The following SLC6A16 variants were observed in gnomAD, a reference collection of about 807,000 sequenced individuals.
The protein encoded by SLC6A16 is orphan sodium- and chloride-dependent neurotransmitter transporter NTT5.
Under a neutral mutation model 65.4 loss-of-function variants are expected in SLC6A16, and 54 were observed. The observed-to-expected ratio is 0.83, with a 90% CI of 0.66 to 1.04. SLC6A16 has a LOEUF of 1.04. Ranked by LOEUF, SLC6A16 falls within the 50% of genes least tolerant of loss-of-function variation. The pLI is 0.00. For synonymous variants in SLC6A16, 330 were observed against 346.5 expected, an observed-to-expected ratio of 0.95 and a Z score of 0.53; for missense variants, 816 against 914.0, an observed-to-expected ratio of 0.89 and a Z score of 1.38.
chr19:49,338,043 C>T, the SLC6A16 span: 1 of 1,612,322 alleles, frequency 6.2e-7, no homozygotes, highest in Non-Finnish European at 8.5e-7. This position sits in a 1 kb window ranked among gnomAD's most constrained non-coding sequence, Gnocchi z 5.0. Context: ...AGCCCCCCTC[C>T]TCCAGTTCCC....
the SLC6A16 span, chr19:49,339,679 G>GT: frequency 1.3e-5 from 18 of 1,422,346 alleles, no homozygotes; most frequent in South Asian, 2.6e-4. This position sits in a 1 kb window ranked among gnomAD's most constrained non-coding sequence, Gnocchi z 4.5. Context: ...GGTGCTGAGC[G>GT]TACAGCTACA....
In SLC6A16 at chr19:49,304,556, G is replaced by A. The variant is rs184539112; in HGVS notation, c.1229+4320C>T. On this transcript the variant is annotated intron_variant, in intron 7 of 11. Transcript: ENST00000335875. ...TGAGGTGGGCGGATCACCTGAGGTC[G>A]AAAGTTCGAGACCAGCCTGACCAAC... is the stretch of plus-strand genomic sequence containing the variant. 2.4e-3 allele frequency among the ~76,000 whole-genome samples: 363 copies of A among 152,140 alleles called. 2 individuals carry two copies. The highest frequency in any genetic ancestry group is 0.024 in the Middle Eastern group (7 of 294).
At position 49,293,044 on chromosome 19, in the gene SLC6A16, C is replaced by T. The variant is rs1023636003; in HGVS notation, c.1778+179G>A. On this transcript the variant is annotated intron_variant, in intron 10 of 11. Transcript: ENST00000335875. ...CTGATGACTAAAATAGTGCCTGGCA[C>T]ATATTCAGCACCCAAAATATATGTG... The T allele has an allele frequency of 5.3e-5, 30 of 567,810 alleles. No homozygotes were observed. The East Asian group carries it at 5.4e-4, about 10-fold the overall frequency. The allele number at this position is 567,810 out of a possible 1,614,324, so 35.2% of individuals were successfully genotyped here.
At chr19:49,316,317 T>C (rs1030182440) in intron 1 of SLC6A16, among the ~76,000 whole-genome samples, 2 of 151,840 alleles carry the variant, frequency 1.3e-5, no homozygotes, top group Non-Finnish European at 2.9e-5. Flanking sequence ...TGGATAATAT[T>C]TACAATATCA....
In SLC6A16 at chr19:49,310,323, G is replaced by A. The variant is rs770807034; in HGVS notation, c.573+30C>T. The A allele has an allele frequency of 3.7e-6, 6 of 1,612,500 alleles. No homozygotes were observed. In the Admixed American group the frequency reaches 8.4e-5, roughly 22 times the overall value. ...GTTGGGATGGCGGTGGGGTGTAAAA[G>A]TCAGGCCTGGGCAGCCATGGGCTCC... On this transcript the variant is annotated intron_variant, in intron 3 of 11. Transcript: ENST00000335875.
intron 7 of SLC6A16, among the ~76,000 whole-genome samples, chr19:49,304,017 G>C: frequency 6.6e-6 from 1 of 152,186 alleles, no homozygotes; most frequent in East Asian, 1.9e-4. Context: ...ACAAGAGTTT[G>C]ACACTGACTC....
chr19:49,332,449 C>T, the SLC6A16 span: 3 of 367,410 alleles, frequency 8.2e-6, no homozygotes, highest in Non-Finnish European at 1.1e-5. Flanking sequence ...ATCACATTTA[C>T]TCGGGAGGCT....
chr19:49,290,328 A>G lies in SLC6A16; in HGVS notation c.2006T>C (p.Ile669Thr), dbSNP rs370218485. The change falls in exon 12 of 12, where the codon ATT (isoleucine) becomes ACT (threonine). Residue 669 changes from isoleucine (I) to threonine (T), a missense_variant. Physicochemically the swap from Ile to Thr is moderately conservative, Grantham distance 89 (BLOSUM62 -1). Coordinates refer to ENST00000335875, the MANE Select transcript of SLC6A16 (RefSeq NM_014037.3). The stretch of plus-strand genomic sequence containing the variant: ...GTATGCAGGGATGGGGAGGATGACA[A>G]TGGCAAAAAGGGTGATCATCAAGAG... Reference protein sequence around the residue: ...ALLLMITLFAIVILPIPAYFV... With the variant: ...ALLLMITLFATVILPIPAYFV... The G allele has an allele frequency of 4.3e-6, 7 of 1,613,984 alleles. No individual in the cohort carries two copies. Among genetic ancestry groups the G allele is most frequent in the Admixed American group, 1.7e-5 (1 of 59,978 alleles).
At chr19:49,337,945 C>T in the SLC6A16 span, 2 of 1,614,026 alleles carry the variant, frequency 1.2e-6, no homozygotes, top group Non-Finnish European at 1.7e-6. Context: ...GCTTGCGGGA[C>T]GTCGTAGAGA....
the SLC6A16 span, chr19:49,337,719 G>A: frequency 8.5e-6 from 13 of 1,534,418 alleles, no homozygotes; most frequent in Admixed American, 2.0e-5. Context: ...AGAAATAGAC[G>A]CCCTGAAAGA....
At chr19:49,337,836 G>A in the SLC6A16 span, 1 of 1,588,586 alleles carries the variant, frequency 6.3e-7, no homozygotes, top group African/African-American at 1.3e-5. Context: ...GCCCAGAGAT[G>A]CACAGGGCCC....
intron 7 of SLC6A16, among the ~76,000 whole-genome samples, chr19:49,307,505 G>C (rs910000309): frequency 3.9e-5 from 6 of 151,936 alleles, no homozygotes; most frequent in African/African-American, 1.5e-4. Context: ...GCATCTTCTA[G>C]AAGAAAATGG....
At chr19:49,315,003 A>G (rs1970591285) in intron 1 of SLC6A16, among the ~76,000 whole-genome samples, 1 of 151,838 alleles carries the variant, frequency 6.6e-6, no homozygotes, top group African/African-American at 2.4e-5. Context: ...ATGAACACCA[A>G]TCTCCAAACT....
chr19:49,308,785 A>C (rs1348013889), intron 7 of SLC6A16, 91 bp downstream of exon 7: 1 of 1,522,958 alleles, frequency 6.6e-7, no homozygotes, highest in African/African-American at 1.4e-5. Flanking sequence ...GAAATGTGTG[A>C]ACATGGGTCT....
At chr19:49,295,565 G>C (rs541868574) in intron 7 of SLC6A16, among the ~76,000 whole-genome samples, 153 of 152,218 alleles carry the variant, frequency 1.0e-3, no homozygotes, top group African/African-American at 3.3e-3. Flanking sequence ...AATTTAAAAG[G>C]CTGGAAGATA....
the SLC6A16 span, chr19:49,338,309 AC>A: frequency 1.3e-6 from 1 of 792,368 alleles, no homozygotes; most frequent in Non-Finnish European, 1.8e-6. This position sits in a 1 kb window ranked among gnomAD's most constrained non-coding sequence, Gnocchi z 5.0. Context: ...TAGTCCCAAG[AC>A]CCTAGCGAGA....
chr19:49,333,522 G>A, the SLC6A16 span, among the ~76,000 whole-genome samples: 3 of 152,192 alleles, frequency 2.0e-5, no homozygotes, highest in African/African-American at 4.8e-5. Context: ...GTGACTCAGC[G>A]TTTGGATACA....
At chr19:49,316,039 TAC>T (rs1970608666) in intron 1 of SLC6A16, among the ~76,000 whole-genome samples, 1 of 152,148 alleles carries the variant, frequency 6.6e-6, no homozygotes, top group African/African-American at 2.4e-5. Flanking sequence ...TCCAGAATAC[TAC>T]AGATAAATTA....
intron 10 of SLC6A16, chr19:49,293,009 G>T: frequency 2.1e-6 from 1 of 476,636 alleles, no homozygotes. Flanking sequence ...TTTATTCAAT[G>T]CCCCTATCCC....
Sources: gnomAD v4.1 joint callset for allele counts (sites outside exome capture counted in the v4.1 genomes callset) on GRCh38, gnomAD v4.1.1 for gene constraint, Gnocchi (gnomAD v3.1) non-coding constraint, MANE v1.5 for transcripts, NCBI Gene and HGNC (gene_info 2026-07-23, HGNC 2026-07-21) for gene names.